MTMR14: variants seen among roughly 807,000 people sequenced by gnomAD.
MTMR14 encodes the protein myotubularin related protein 14.
A neutral mutation model predicts 86.3 loss-of-function variants in MTMR14; 48 were observed. The observed-to-expected ratio is 0.56, with a 90% confidence interval of 0.44 to 0.71. MTMR14 has a LOEUF of 0.71. Ranked by LOEUF, MTMR14 falls within the 30% of genes least tolerant of loss-of-function variation. The probability of loss-of-function intolerance (pLI) is 0.00; values close to 1 mark genes in which losing one functional copy is unlikely to be tolerated. For synonymous variants in MTMR14, 366 were observed against 326.1 expected, an observed-to-expected ratio of 1.12 and a Z score of -1.32; for missense variants, 780 against 834.6, an observed-to-expected ratio of 0.93 and a Z score of 0.81.
At chr3:9,671,287 A>G (rs999249052) in intron 6 of MTMR14, 117 bp downstream of exon 6, 4 of 1,399,404 alleles carry the variant, frequency 2.9e-6, no homozygotes, top group Non-Finnish European at 3.0e-6. Flanking sequence ...CTTTCTGTAC[A>G]TTATCTCACT....
chr3:9,666,023 G>T lies in MTMR14; in HGVS notation c.418-2696G>T, dbSNP rs144179623. On this transcript the variant is annotated intron_variant, in intron 3 of 18. Transcript: ENST00000296003. ...ATTACAGGCGTGACCCACCGTGCCC[G>T]GCCCATTTCAACTTAATTTTTAAGG... Among the ~76,000 whole-genome samples, 194 of 151,780 alleles carry T rather than the reference G, an allele frequency of 1.3e-3. 2 individuals are homozygous for T. In the East Asian group the frequency reaches 0.028, roughly 22 times the overall value.
chr3:9,671,465 T>G (rs2048563257), intron 6 of MTMR14, among the ~76,000 whole-genome samples: 1 of 152,226 alleles, frequency 6.6e-6, no homozygotes, highest in Non-Finnish European at 1.5e-5. Flanking sequence ...TCTGTATTTT[T>G]TTTTTCCAGC....
chr3:9,690,477 T>G (rs964655924), intron 17 of MTMR14, among the ~76,000 whole-genome samples: 60 of 152,230 alleles, frequency 3.9e-4, no homozygotes, highest in Non-Finnish European at 2.1e-4. Flanking sequence ...ATTGAAGAGA[T>G]AGATCTAGAT....
At chr3:9,666,961 GT>G (rs1284948053) in intron 3 of MTMR14, among the ~76,000 whole-genome samples, 3 of 152,222 alleles carry the variant, frequency 2.0e-5, no homozygotes, top group African/African-American at 4.8e-5. Flanking sequence ...GAAGAGGCTG[GT>G]TCCCCACTTG....
In MTMR14 at chr3:9,678,161, C is replaced by A. The variant is rs1358146383; in HGVS notation, c.897+103C>A. ...GGCCCTCGTGTGTTTGCCTGATGGG[C>A]TGGCTTGTGCACTCAGATGCCTTTG... On this transcript the variant is annotated intron_variant, in intron 9 of 18. Coordinates refer to ENST00000296003, the MANE Select transcript of MTMR14 (RefSeq NM_001077525.3). 2.6e-6 allele frequency: 3 copies of A among 1,172,370 alleles called. No homozygotes were observed. The African/African-American group carries it at 4.6e-5, about 18-fold the overall frequency. The allele number at this position is 1,172,370 out of a possible 1,614,324, so 72.6% of individuals were successfully genotyped here.
At chr3:9,676,262 G>A (rs987246134) in intron 7 of MTMR14, among the ~76,000 whole-genome samples, 3 of 152,234 alleles carry the variant, frequency 2.0e-5, no homozygotes, top group Non-Finnish European at 4.4e-5. Flanking sequence ...ATAACTGCAA[G>A]CTAGCCAAGT....
At chr3:9,685,697 A>G (rs1042495410) in intron 13 of MTMR14, among the ~76,000 whole-genome samples, 3 of 150,618 alleles carry the variant, frequency 2.0e-5, no homozygotes, top group Admixed American at 1.3e-4. Context: ...CCTGCCCCTG[A>G]TGGTTGCCTC....
chr3:9,682,800 G>A (rs921853034), intron 9 of MTMR14, among the ~76,000 whole-genome samples: 8 of 152,178 alleles, frequency 5.3e-5, no homozygotes, highest in Non-Finnish European at 8.8e-5. Context: ...AGGGCTCTTC[G>A]TTTACCTTTA....
chr3:9,656,338 C>T (rs192211867), intron 2 of MTMR14, among the ~76,000 whole-genome samples: 46 of 152,208 alleles, frequency 3.0e-4, no homozygotes, highest in African/African-American at 1.0e-3. Context: ...GATCGCCAAG[C>T]CTAAAGAATT....
Position 9,689,956 on chromosome 3 carries a change from C to T in MTMR14, c.1434-8C>T. The T allele has an allele frequency of 2.5e-6, 4 of 1,607,758 alleles. No individual in the cohort carries two copies. The highest frequency in any genetic ancestry group is 1.1e-5 in the South Asian group (1 of 90,138). Reference sequence around the variant, plus strand: ...CCCCGGCTCACAGCCCTGCTCCTTCCACTGCAGGAGGAAGAGCCACTCATC... The same window carrying T: ...CCCCGGCTCACAGCCCTGCTCCTTCTACTGCAGGAGGAAGAGCCACTCATC... On this transcript the variant is annotated splice_polypyrimidine_tract_variant and splice_region_variant and intron_variant, in intron 16 of 18. Transcript: ENST00000296003.
At chr3:9,651,216 T>A (rs1277307372) in intron 1 of MTMR14, among the ~76,000 whole-genome samples, 1 of 152,120 alleles carries the variant, frequency 6.6e-6, no homozygotes, top group Non-Finnish European at 1.5e-5. Context: ...ATCCTCCCAC[T>A]TAAGCCTGCC....
rs1015349556 is a variant in MTMR14, at chr3:9,679,568, G to A, written c.897+1510G>A. 2.6e-5 allele frequency among the ~76,000 whole-genome samples: 4 copies of A among 152,170 alleles called. No homozygotes were observed. The South Asian group carries it at 6.2e-4, about 24-fold the overall frequency. On this transcript the variant is annotated intron_variant, in intron 9 of 18. Transcript: ENST00000296003. ...GCCTCTTTAGGAAGGGGTCCTGTGC[G>A]TGTGAGGAGGTACTCTGCTTAGTAG...
chr3:9,650,848 C>T (rs1253919329), intron 1 of MTMR14, among the ~76,000 whole-genome samples: 2 of 149,088 alleles, frequency 1.3e-5, no homozygotes, highest in African/African-American at 5.0e-5. Context: ...AGTGCAGTGG[C>T]GCAATCTCAG....
intron 9 of MTMR14, among the ~76,000 whole-genome samples, chr3:9,680,840 A>AAAAAC (rs1553679335): frequency 6.6e-6 from 1 of 151,930 alleles, no homozygotes; most frequent in Non-Finnish European, 1.5e-5. Context: ...CCGTCTCAAA[A>AAAAAC]AAACAAACAA....
chr3:9,657,224 A>G (rs556705386), intron 2 of MTMR14, among the ~76,000 whole-genome samples: 2 of 152,266 alleles, frequency 1.3e-5, no homozygotes, highest in South Asian at 2.1e-4. Context: ...GTTCTTTTCT[A>G]TGTTGATTTT....
rs1161887649 is a variant in MTMR14, at chr3:9,677,687, T to C, written c.823-297T>C. Among the ~76,000 whole-genome samples the C allele has an allele frequency of 6.6e-6, 1 of 152,200 alleles. No individual in the cohort carries two copies. Among genetic ancestry groups the C allele is most frequent in the Non-Finnish European group, 1.5e-5 (1 of 68,024 alleles). ...TGTGTGAAAGCTGGGGGCAGCATTC[T>C]TTGCCTTCCCCAGCCTGTAGGGGCA... is the stretch of plus-strand genomic sequence containing the variant. On this transcript the variant is annotated intron_variant, in intron 8 of 18. Transcript: ENST00000296003. The surrounding 1 kb of genome is among the most constrained non-coding windows in gnomAD (Gnocchi z 4.2).
In MTMR14 at chr3:9,678,072, C is replaced by T; in HGVS notation, c.897+14C>T. On this transcript the variant is annotated intron_variant, in intron 9 of 18. Transcript: ENST00000296003. The stretch of plus-strand genomic sequence containing the variant: ...AGCCAGTATCAGGTGAGGGGCCTGA[C>T]TCAAGCATTGAGGGCAGGATAAGGG... 6.2e-7 allele frequency: 1 copy of T among 1,613,740 alleles called. No homozygotes were observed. The highest frequency in any genetic ancestry group is 1.1e-5 in the South Asian group (1 of 90,998).
chr3:9,683,770 G>C, intron 10 of MTMR14: 1 of 157,484 alleles, frequency 6.3e-6, no homozygotes, highest in Non-Finnish European at 1.4e-5. Flanking sequence ...AAGTGGAAAT[G>C]CATTGGCTTA....
In MTMR14 at chr3:9,683,167, T is replaced by G. The variant is rs780791095; in HGVS notation, c.898-11T>G. ...AGTTAATGTCCATTTCTTCTCACTT[T>G]TCTCCAACAGTGTTGGGATCTGGTG... is the stretch of plus-strand genomic sequence containing the variant. On this transcript the variant is annotated splice_polypyrimidine_tract_variant and intron_variant, in intron 9 of 18. Transcript: ENST00000296003. The G allele has an allele frequency of 6.2e-7, 1 of 1,613,292 alleles. No homozygotes were observed. Among genetic ancestry groups the G allele is most frequent in the Non-Finnish European group, 8.5e-7 (1 of 1,179,238 alleles).
Sources: gnomAD v4.1 joint callset for allele counts (sites outside exome capture counted in the v4.1 genomes callset) on GRCh38, gnomAD v4.1.1 for gene constraint, Gnocchi (gnomAD v3.1) non-coding constraint, MANE v1.5 for transcripts, NCBI Gene and HGNC (gene_info 2026-07-23, HGNC 2026-07-21) for gene names.